The following MEGF11 variants were observed in gnomAD, a reference collection of about 807,000 sequenced individuals.
MEGF11 encodes the protein multiple epidermal growth factor-like domains protein 11.
A neutral mutation model predicts 146.6 loss-of-function variants in MEGF11; 126 were observed. That is an observed-to-expected ratio of 0.86 (90% confidence interval 0.74 to 1.00). The LOEUF is 1.00. Ranked by LOEUF, MEGF11 falls within the 50% of genes least tolerant of loss-of-function variation. The pLI is 0.00. For synonymous variants in MEGF11, 532 were observed against 583.4 expected (o/e 0.91, Z 1.27); for missense variants, 1,509 against 1,521.2 (o/e 0.99, Z 0.13).
At chr15:66,088,304 T>C (rs995857086) in intron 5 of MEGF11, among the ~76,000 whole-genome samples, 4 of 152,170 alleles carry the variant, frequency 2.6e-5, no homozygotes, top group African/African-American at 9.6e-5. Flanking sequence ...AAGAAGGAAC[T>C]CTTCCTAATT....
intron 1 of MEGF11, among the ~76,000 whole-genome samples, chr15:66,141,525 A>G (rs1455233092): frequency 6.6e-6 from 1 of 151,978 alleles, no homozygotes; most frequent in Non-Finnish European, 1.5e-5. Flanking sequence ...TCTGTCAGCC[A>G]GGGTTTCTCC....
rs576616464 is a variant in MEGF11, at chr15:65,974,356, G to C, written c.763-3667C>G. 5.2e-4 allele frequency among the ~76,000 whole-genome samples: 79 copies of C among 152,204 alleles called. No homozygotes were observed. The Middle Eastern group carries it at 0.01, about 20-fold the overall frequency. Reference sequence around the variant, plus strand: ...GAGAGAATGCGTGTGTGTGAGAAAAGGGGAGAGAAGAGTCACTCAGGCCAG... The same window carrying C: ...GAGAGAATGCGTGTGTGTGAGAAAACGGGAGAGAAGAGTCACTCAGGCCAG... On this transcript the variant is annotated intron_variant, in intron 7 of 25. Coordinates refer to ENST00000395614, the MANE Select transcript of MEGF11 (RefSeq NM_001385028.1).
At chr15:66,183,541 G>GAAA (rs201381470) in intron 1 of MEGF11, among the ~76,000 whole-genome samples, 1 of 80,466 alleles carries the variant, frequency 1.2e-5, no homozygotes, top group African/African-American at 4.2e-5. Context: ...CTGCCAAAAA[G>GAAA]AAAAAAAAAA....
chr15:66,248,147 C>G (rs1597175397), intron 1 of MEGF11, among the ~76,000 whole-genome samples: 1 of 152,270 alleles, frequency 6.6e-6, no homozygotes, highest in African/African-American at 2.4e-5. Flanking sequence ...CCTTTTCTGC[C>G]TCTGCTCATG....
At chr15:65,984,628 CAG>C (rs2081789094) in intron 5 of MEGF11, among the ~76,000 whole-genome samples, 1 of 151,048 alleles carries the variant, frequency 6.6e-6, no homozygotes, top group East Asian at 1.9e-4. Flanking sequence ...GACACACACT[CAG>C]TGAGCAGAAG....
At chr15:66,119,852 C>A (rs2087933414) in intron 3 of MEGF11, among the ~76,000 whole-genome samples, 1 of 152,172 alleles carries the variant, frequency 6.6e-6, no homozygotes, top group Non-Finnish European at 1.5e-5. Context: ...CATGTGGGTT[C>A]CAGACCTTAC....
chr15:66,125,123 C>T (rs1302676024), intron 2 of MEGF11, among the ~76,000 whole-genome samples: 1 of 152,156 alleles, frequency 6.6e-6, no homozygotes, highest in African/African-American at 2.4e-5. Flanking sequence ...GTCTGGCATC[C>T]AGAAGGAGGA....
In MEGF11 at chr15:66,238,872, AT is replaced by A. The variant is rs1362817549; in HGVS notation, c.-9+14732del. On this transcript the variant is annotated intron_variant, in intron 1 of 25. Transcript: ENST00000395614. ...ATCGCTTGTCACCTTCAAATAAACCATCTACTAACTTACTTGCTTAGAGTCC... is the reference window on the plus strand; with the variant it reads ...ATCGCTTGTCACCTTCAAATAAACCACTACTAACTTACTTGCTTAGAGTCC... Among the ~76,000 whole-genome samples the A allele has an allele frequency of 4.7e-5, 7 of 148,998 alleles. No individual in the cohort carries two copies. In the South Asian group the frequency reaches 1.5e-3, roughly 32 times the overall value.
intron 15 of MEGF11, among the ~76,000 whole-genome samples, chr15:65,921,504 T>G (rs1193891503): frequency 3.3e-5 from 5 of 152,220 alleles, no homozygotes. Context: ...CCTTTCAAGC[T>G]AAGGCCCAGC....
chr15:66,144,600 A>G (rs1300796946), intron 1 of MEGF11, among the ~76,000 whole-genome samples: 1 of 152,156 alleles, frequency 6.6e-6, no homozygotes, highest in Non-Finnish European at 1.5e-5. Flanking sequence ...ACATCACTCT[A>G]ACAGGAATGC....
intron 5 of MEGF11, among the ~76,000 whole-genome samples, chr15:66,089,953 G>T (rs2086255906): frequency 6.6e-6 from 1 of 152,124 alleles, no homozygotes; most frequent in Non-Finnish European, 1.5e-5. Flanking sequence ...TGGGATGGAG[G>T]TTTATGACCA....
At chr15:66,113,927 T>C (rs1047951377) in intron 4 of MEGF11, among the ~76,000 whole-genome samples, 1 of 151,706 alleles carries the variant, frequency 6.6e-6, no homozygotes, top group Admixed American at 6.6e-5. Flanking sequence ...TTCTCAAGTG[T>C]AGTTCCCATC....
At chr15:66,251,502 C>T (rs1003561203) in intron 1 of MEGF11, among the ~76,000 whole-genome samples, 4 of 152,176 alleles carry the variant, frequency 2.6e-5, no homozygotes, top group African/African-American at 9.7e-5. Context: ...AACAGGTATG[C>T]AACAAACTGT....
chr15:66,107,657 G>A (rs1459760267), intron 4 of MEGF11, among the ~76,000 whole-genome samples: 1 of 152,192 alleles, frequency 6.6e-6, no homozygotes, highest in Non-Finnish European at 1.5e-5. Context: ...AGGTCCTGGA[G>A]GGGAGGATAA....
At chr15:65,984,343 C>T (rs887337706) in intron 5 of MEGF11, among the ~76,000 whole-genome samples, 6 of 151,762 alleles carry the variant, frequency 4.0e-5, no homozygotes, top group Admixed American at 2.6e-4. Context: ...CTGGGCAACA[C>T]GGTGAAACCT....
chr15:66,160,630 A>G (rs1242900004), intron 1 of MEGF11, among the ~76,000 whole-genome samples: 1 of 149,316 alleles, frequency 6.7e-6, no homozygotes, highest in African/African-American at 2.5e-5. Context: ...TTGAGTGCCT[A>G]CTATATGCCA....
intron 1 of MEGF11, among the ~76,000 whole-genome samples, chr15:66,170,250 C>G (rs1321471482): frequency 6.6e-6 from 1 of 152,180 alleles, no homozygotes; most frequent in East Asian, 1.9e-4. Flanking sequence ...GTGCCTCCTT[C>G]CTGACACCGC....
chr15:66,010,928 C>T (rs1007026314), intron 5 of MEGF11, among the ~76,000 whole-genome samples: 5 of 152,022 alleles, frequency 3.3e-5, no homozygotes, highest in Non-Finnish European at 5.9e-5. Flanking sequence ...TTGGGTGTGG[C>T]AGTGGGGAGA....
At chr15:65,908,752 G>A (rs141031094) in intron 23 of MEGF11, among the ~76,000 whole-genome samples, 286 of 152,326 alleles carry the variant, frequency 1.9e-3, no homozygotes, top group African/African-American at 6.5e-3. Flanking sequence ...GTATTTTGTG[G>A]CCTGTAGGGA....
Sources: gnomAD v4.1 joint callset for allele counts (sites outside exome capture counted in the v4.1 genomes callset) on GRCh38, gnomAD v4.1.1 for gene constraint, MANE v1.5 for transcripts, NCBI Gene and HGNC (gene_info 2026-07-23, HGNC 2026-07-21) for gene names.